Variants in PCDH15 observed in about 807,000 individuals in gnomAD.
PCDH15 encodes the protein protocadherin related 15.
PCDH15 carries 129 observed loss-of-function variants against 178.5 expected under a neutral mutation model. The observed-to-expected ratio is 0.72, with a 90% confidence interval of 0.63 to 0.84. PCDH15 has a LOEUF of 0.84. Ranked by LOEUF, PCDH15 falls within the 40% of genes least tolerant of loss-of-function variation. The probability of loss-of-function intolerance (pLI) is 0.00; values close to 1 mark genes in which losing one functional copy is unlikely to be tolerated. For missense variants in PCDH15, 2,230 were observed against 2,099.9 expected, an observed-to-expected ratio of 1.06 and a Z score of -1.21; for synonymous variants, 800 against 732.0, an observed-to-expected ratio of 1.09 and a Z score of -1.50.
At chr10:53,899,603 G>A (rs1018700733) in intron 26 of PCDH15, among the ~76,000 whole-genome samples, 1 of 152,068 alleles carries the variant, frequency 6.6e-6, no homozygotes, top group Admixed American at 6.6e-5. Context: ...TAACTTGTAT[G>A]CATGGTAGAT....
chr10:54,590,970 A>T (rs2091849802), intron 2 of PCDH15, among the ~76,000 whole-genome samples: 1 of 152,202 alleles, frequency 6.6e-6, no homozygotes, highest in Non-Finnish European at 1.5e-5. Context: ...GTTGGTAAAC[A>T]TTCAATGGAG....
intron 2 of PCDH15, among the ~76,000 whole-genome samples, chr10:55,493,957 AT>A (rs1840477792): frequency 6.6e-6 from 1 of 151,824 alleles, no homozygotes; most frequent in Non-Finnish European, 1.5e-5. Context: ...TTTCTTCATG[AT>A]TTTCATATTT....
intron 6 of PCDH15, among the ~76,000 whole-genome samples, chr10:54,334,705 A>T (rs945562878): frequency 1.3e-5 from 2 of 151,962 alleles, no homozygotes; most frequent in Non-Finnish European, 2.9e-5. Context: ...ACACACACAC[A>T]CACACACACG....
intron 24 of PCDH15, 40 bp from the exon 25 acceptor site, chr10:53,938,995 G>T (rs367928811): frequency 1.5e-5 from 24 of 1,585,618 alleles, no homozygotes; most frequent in South Asian, 6.6e-5. Flanking sequence ...TTGTCTTTAC[G>T]CTATAAGGAA....
intron 2 of PCDH15, among the ~76,000 whole-genome samples, chr10:55,513,986 A>T (rs949554409): frequency 6.6e-6 from 1 of 152,008 alleles, no homozygotes; most frequent in African/African-American, 2.4e-5. Context: ...TAGACTAGAG[A>T]TCCATGGGGC....
intron 1 of PCDH15, among the ~76,000 whole-genome samples, chr10:54,675,544 AG>A (rs2094770258): frequency 7.6e-6 from 1 of 131,464 alleles, no homozygotes; most frequent in African/African-American, 2.9e-5. Flanking sequence ...CTTTATTTTT[AG>A]CTAGTTATTT....
chr10:53,973,999 A>G (rs1367490072), intron 21 of PCDH15, among the ~76,000 whole-genome samples: 4 of 75,984 alleles, frequency 5.3e-5, no homozygotes, highest in African/African-American at 1.6e-4. Context: ...TGACAATTTT[A>G]TATTTGTTTA....
intron 15 of PCDH15, among the ~76,000 whole-genome samples, chr10:54,126,157 G>A (rs1458443743): frequency 9.4e-5 from 14 of 148,474 alleles, no homozygotes; most frequent in South Asian, 2.1e-4. Context: ...TGCAAGCTCC[G>A]CCTCCCAGGT....
intron 26 of PCDH15, among the ~76,000 whole-genome samples, chr10:53,900,227 CT>C (rs1254517083): frequency 1.6e-4 from 24 of 151,492 alleles, no homozygotes; most frequent in South Asian, 2.1e-4. Flanking sequence ...CTCTCTCTCT[CT>C]CTCTCCCCCC....
At chr10:54,234,125 TC>T (rs2054360342) in intron 9 of PCDH15, among the ~76,000 whole-genome samples, 1 of 140,468 alleles carries the variant, frequency 7.1e-6, no homozygotes, top group Admixed American at 7.5e-5. Flanking sequence ...GTCATGGATA[TC>T]CCCTTCTGTG....
chr10:54,875,504 G>T lies in PCDH15; in HGVS notation c.-29+21946C>A, dbSNP rs552362484. 9.9e-5 allele frequency among the ~76,000 whole-genome samples: 15 copies of T among 152,158 alleles called. No individual in the cohort carries two copies. The South Asian group carries it at 3.1e-3, about 32-fold the overall frequency. On this transcript the variant is annotated intron_variant, in intron 3 of 5. Transcript: ENST00000458638. ...TAAAGACAAAATAGGACAAAATCTA[G>T]GTCTCTTGTGTCAAATAGTTAGCTA...
At chr10:55,311,693 G>A (rs547080412) in intron 1 of PCDH15, among the ~76,000 whole-genome samples, 1 of 152,246 alleles carries the variant, frequency 6.6e-6, no homozygotes, top group South Asian at 2.1e-4. Flanking sequence ...GGTTCACAGA[G>A]GAAGGCTCCA....
At chr10:53,897,153 A>T (rs917887896) in intron 26 of PCDH15, among the ~76,000 whole-genome samples, 5 of 150,560 alleles carry the variant, frequency 3.3e-5, no homozygotes, top group African/African-American at 9.8e-5. Flanking sequence ...AGGAGGACTC[A>T]GAATTGTGGG....
chr10:54,321,817 G>A (rs1365942244), intron 7 of PCDH15, among the ~76,000 whole-genome samples: 5 of 151,838 alleles, frequency 3.3e-5, no homozygotes, highest in Admixed American at 6.6e-5. Context: ...TTTTTAAGTG[G>A]GAAATAAAAA....
chr10:54,975,012 A>G (rs1043196055), intron 2 of PCDH15, among the ~76,000 whole-genome samples: 4 of 152,154 alleles, frequency 2.6e-5, no homozygotes, highest in African/African-American at 9.7e-5. Context: ...CAAAACACAC[A>G]TCTTCTCAGC....
At chr10:54,256,120 C>T (rs2056878079) in intron 8 of PCDH15, among the ~76,000 whole-genome samples, 1 of 152,146 alleles carries the variant, frequency 6.6e-6, no homozygotes, top group Non-Finnish European at 1.5e-5. Context: ...CTTGTAAGAG[C>T]ACTGCCACAA....
In PCDH15 at chr10:55,001,628, G is replaced by A. The variant is rs924786987; in HGVS notation, c.-79-104128C>T. Among the ~76,000 whole-genome samples, 38 of 152,294 alleles carry A rather than the reference G, an allele frequency of 2.5e-4. 1 individual carries two copies. The highest frequency in any genetic ancestry group is 1.1e-3 in the Admixed American group (17 of 15,308). ...TGACACAGCCAGTGCCCTTGGCTGT[G>A]TACAGTGGTAAGACCTCATGCTCAC... On this transcript the variant is annotated intron_variant, in intron 2 of 5. Transcript: ENST00000458638.
intron 2 of PCDH15, among the ~76,000 whole-genome samples, chr10:55,562,200 C>T (rs1252294431): frequency 6.6e-6 from 1 of 151,894 alleles, no homozygotes; most frequent in African/African-American, 2.4e-5. Flanking sequence ...CTGAAGAACA[C>T]AGAACTTCAG....
chr10:55,126,048 TC>T (rs1046754663), intron 2 of PCDH15, among the ~76,000 whole-genome samples: 2 of 151,930 alleles, frequency 1.3e-5, no homozygotes, highest in Non-Finnish European at 2.9e-5. Context: ...TACTCACAGG[TC>T]CCCCTGGGAT....
Sources: allele counts gnomAD v4.1 joint callset (sites outside exome capture counted in the v4.1 genomes callset), GRCh38; gene constraint gnomAD v4.1.1; transcripts MANE v1.5; gene names NCBI Gene and HGNC (gene_info 2026-07-23, HGNC 2026-07-21).